Variants in AP2S1 observed in about 807,000 individuals in gnomAD.
AP2S1 encodes AP-2 complex subunit sigma.
A neutral mutation model predicts 21.0 loss-of-function variants in AP2S1; 6 were observed. The ratio of observed to expected loss-of-function variants is 0.29; its 90% CI spans 0.16 to 0.56. The LOEUF is 0.56. Ranked by LOEUF, AP2S1 falls within the 20% of genes least tolerant of loss-of-function variation. The pLI is 0.92. For synonymous variants in AP2S1, 63 were observed against 74.6 expected (o/e 0.84, Z 0.80); for missense variants, 60 against 186.2 (o/e 0.32, Z 3.95).
chr19:46,843,834 G>A (rs2055570554), intron 2 of AP2S1, among the ~76,000 whole-genome samples: 1 of 152,164 alleles, frequency 6.6e-6, no homozygotes. Context: ...GGTACAGTGA[G>A]CTGTAATTGC....
Sources: allele counts gnomAD v4.1 joint callset (sites outside exome capture counted in the v4.1 genomes callset), GRCh38; gene constraint gnomAD v4.1.1; transcripts MANE v1.5; gene names NCBI Gene and HGNC (gene_info 2026-07-23, HGNC 2026-07-21).